The following CIMIP6 variants were observed in gnomAD, a reference collection of about 807,000 sequenced individuals.
The protein encoded by CIMIP6 is ciliary microtubule inner protein 6.
the CIMIP6 span, chr2:54,335,116 A>G: frequency 1.0e-6 from 1 of 975,986 alleles, no homozygotes; most frequent in Non-Finnish European, 1.5e-6. Context: ...AGGATGAGAC[A>G]CATCTCAGAG....
At chr2:54,357,577 CTTTT>C in the CIMIP6 span, among the ~76,000 whole-genome samples, 4 of 115,666 alleles carry the variant, frequency 3.5e-5, no homozygotes, top group Admixed American at 8.9e-5. Context: ...CTCTTACGTA[CTTTT>C]TTTTTTTTTT....
chr2:54,350,769 T>G, the CIMIP6 span, among the ~76,000 whole-genome samples: 2 of 152,224 alleles, frequency 1.3e-5, no homozygotes, highest in African/African-American at 4.8e-5. Context: ...CAACTCTTCA[T>G]CTTTCATTGT....
chr2:54,333,227 T>C, the CIMIP6 span, among the ~76,000 whole-genome samples: 1 of 152,178 alleles, frequency 6.6e-6, no homozygotes, highest in Non-Finnish European at 1.5e-5. Context: ...AAAAACTAGG[T>C]ACATAAAAAA....
the CIMIP6 span, among the ~76,000 whole-genome samples, chr2:54,378,403 A>G: frequency 6.6e-6 from 1 of 152,222 alleles, no homozygotes; most frequent in Non-Finnish European, 1.5e-5. Flanking sequence ...TTAAAATAAC[A>G]TTTTTAAACA....
chr2:54,354,866 T>C, the CIMIP6 span, among the ~76,000 whole-genome samples: 1 of 152,018 alleles, frequency 6.6e-6, no homozygotes, highest in Non-Finnish European at 1.5e-5. Context: ...AGAATTTTAG[T>C]TCTGAGTTTT....
At chr2:54,331,216 G>T in the CIMIP6 span, among the ~76,000 whole-genome samples, 2 of 152,012 alleles carry the variant, frequency 1.3e-5, no homozygotes, top group African/African-American at 4.8e-5. Context: ...TTGCATTACC[G>T]GATCTAAAAT....
the CIMIP6 span, among the ~76,000 whole-genome samples, chr2:54,356,534 T>A: frequency 6.6e-6 from 1 of 151,398 alleles, no homozygotes; most frequent in Non-Finnish European, 1.5e-5. Context: ...TTTCTCACAG[T>A]TTTTTTTTGG....
chr2:54,365,721 T>C, the CIMIP6 span, among the ~76,000 whole-genome samples: 1 of 152,166 alleles, frequency 6.6e-6, no homozygotes, highest in African/African-American at 2.4e-5. Flanking sequence ...CTCATTTCTT[T>C]ATAAATTAAA....
the CIMIP6 span, among the ~76,000 whole-genome samples, chr2:54,349,554 C>G: frequency 6.6e-6 from 1 of 152,270 alleles, no homozygotes; most frequent in East Asian, 1.9e-4. Flanking sequence ...TCTTCATGGA[C>G]TTTGCCTTAT....
chr2:54,343,931 C>A, the CIMIP6 span: 1 of 1,407,590 alleles, frequency 7.1e-7, no homozygotes, highest in South Asian at 1.7e-5. Flanking sequence ...GCTACCAAAA[C>A]TAAGATGTAT....
the CIMIP6 span, among the ~76,000 whole-genome samples, chr2:54,378,637 G>A: frequency 6.6e-6 from 1 of 152,134 alleles, no homozygotes; most frequent in African/African-American, 2.4e-5. Flanking sequence ...AAAATGCAGA[G>A]GTACCGGTTC....
chr2:54,370,092 T>TA, the CIMIP6 span, among the ~76,000 whole-genome samples: 2 of 151,962 alleles, frequency 1.3e-5, no homozygotes, highest in African/African-American at 2.4e-5. Flanking sequence ...CCATCTCTAC[T>TA]AAAAATATAA....
chr2:54,362,905 T>C, the CIMIP6 span, among the ~76,000 whole-genome samples: 3 of 152,186 alleles, frequency 2.0e-5, no homozygotes, highest in Admixed American at 6.5e-5. Context: ...CGTGACACTT[T>C]CTACTAATTT....
the CIMIP6 span, among the ~76,000 whole-genome samples, chr2:54,357,363 G>A: frequency 1.3e-5 from 2 of 152,092 alleles, no homozygotes; most frequent in Non-Finnish European, 2.9e-5. Flanking sequence ...TTAAAGGTGT[G>A]ATTTTTAAAA....
At chr2:54,383,144 C>T in the CIMIP6 span, 3 of 152,326 alleles carry the variant, frequency 2.0e-5, no homozygotes, top group South Asian at 2.1e-4. Flanking sequence ...TAAGGCCTCC[C>T]ACCAACAGCC....
At chr2:54,363,295 A>G in the CIMIP6 span, among the ~76,000 whole-genome samples, 1 of 152,188 alleles carries the variant, frequency 6.6e-6, no homozygotes, top group Non-Finnish European at 1.5e-5. Context: ...GGAGCTGAAC[A>G]TGATTTGTCT....
chr2:54,349,995 A>C, the CIMIP6 span, among the ~76,000 whole-genome samples: 1 of 151,892 alleles, frequency 6.6e-6, no homozygotes, highest in Non-Finnish European at 1.5e-5. Context: ...GATTACAGGC[A>C]CCCACCATCA....
At chr2:54,336,349 T>C in the CIMIP6 span, among the ~76,000 whole-genome samples, 4 of 152,202 alleles carry the variant, frequency 2.6e-5, no homozygotes, top group Non-Finnish European at 4.4e-5. Context: ...AATTACCCAG[T>C]ATGTAGCTTA....
At chr2:54,361,969 A>C in the CIMIP6 span, among the ~76,000 whole-genome samples, 1 of 152,216 alleles carries the variant, frequency 6.6e-6, no homozygotes, top group Admixed American at 6.5e-5. Context: ...CACTCCACTC[A>C]TATAACCAGG....
Sources: allele counts gnomAD v4.1 joint callset (sites outside exome capture counted in the v4.1 genomes callset), GRCh38; gene constraint gnomAD v4.1.1; transcripts MANE v1.5; gene names NCBI Gene and HGNC (gene_info 2026-07-23, HGNC 2026-07-21).